SPOCK1: variants seen among roughly 807,000 people sequenced by gnomAD.
SPOCK1 encodes testican-1.
A neutral mutation model predicts 55.3 loss-of-function variants in SPOCK1; 23 were observed. The ratio of observed to expected loss-of-function variants is 0.42; its 90% CI spans 0.30 to 0.59. The LOEUF (loss-of-function observed/expected upper bound fraction) is 0.59, where lower values mean the gene tolerates loss of function less well. Among genes scored for constraint, SPOCK1 ranks in the 20% least tolerant of loss-of-function variants. SPOCK1 has a pLI of 0.22. For synonymous variants in SPOCK1, 226 were observed against 221.0 expected (o/e 1.02, Z -0.20); for missense variants, 499 against 552.5 (o/e 0.90, Z 0.97).
At chr5:137,103,567 T>C (rs1256740029) in intron 5 of SPOCK1, among the ~76,000 whole-genome samples, 2 of 152,230 alleles carry the variant, frequency 1.3e-5, no homozygotes, top group Non-Finnish European at 2.9e-5. Flanking sequence ...ATCCTGGTCA[T>C]TGCCAGTCTG....
intron 3 of SPOCK1, among the ~76,000 whole-genome samples, chr5:137,160,525 TATATAAAA>T (rs2127050509): frequency 2.7e-5 from 2 of 74,688 alleles, no homozygotes; most frequent in Admixed American, 2.2e-4. Context: ...ATATATATAA[TATATAAAA>T]ATATATAATA....
chr5:137,473,502 G>A (rs1194765296), intron 2 of SPOCK1, among the ~76,000 whole-genome samples: 1 of 152,138 alleles, frequency 6.6e-6, no homozygotes, highest in African/African-American at 2.4e-5. Context: ...GGATAAACAG[G>A]GTGGGAAGGA....
intron 2 of SPOCK1, among the ~76,000 whole-genome samples, chr5:137,395,962 G>A (rs934629882): frequency 6.6e-6 from 1 of 152,196 alleles, no homozygotes; most frequent in African/African-American, 2.4e-5. Flanking sequence ...GCCTACTAAT[G>A]GCACCCATTC....
chr5:137,462,780 G>C (rs749177997), intron 2 of SPOCK1, among the ~76,000 whole-genome samples: 1 of 152,168 alleles, frequency 6.6e-6, no homozygotes, highest in Non-Finnish European at 1.5e-5. Context: ...GAAAGGGATG[G>C]GGAGAAACAT....
At chr5:137,058,967 G>C (rs1752346743) in intron 6 of SPOCK1, among the ~76,000 whole-genome samples, 1 of 152,190 alleles carries the variant, frequency 6.6e-6, no homozygotes, top group Non-Finnish European at 1.5e-5. Context: ...GTCACTGAAA[G>C]GACTTTAACT....
intron 3 of SPOCK1, among the ~76,000 whole-genome samples, chr5:137,176,181 A>G (rs1194635181): frequency 2.0e-5 from 3 of 152,186 alleles, no homozygotes; most frequent in African/African-American, 7.2e-5. Context: ...CACTGAGCAA[A>G]TCCCACAGTG....
intron 2 of SPOCK1, among the ~76,000 whole-genome samples, chr5:137,375,578 A>G (rs1751294656): frequency 6.6e-6 from 1 of 152,264 alleles, no homozygotes. Flanking sequence ...CTGTACGTGT[A>G]TTATACCTCA....
Position 137,304,065 on chromosome 5 carries a change from GTT to G in SPOCK1, c.187-37012_187-37011del, listed in dbSNP as rs59137765. 3.6e-4 allele frequency among the ~76,000 whole-genome samples: 25 copies of G among 68,776 alleles called. No homozygotes were observed. In the East Asian group the frequency reaches 4.6e-3, roughly 13 times the overall value. The allele number at this position is 68,776 out of a possible 152,430, so 45.1% of individuals were successfully genotyped here. ...TGACTTTTTCCCCAAAATGCAATGG[GTT>G]TTTTTTTTTTTTTTTGGTTCTGTTA... is the stretch of plus-strand genomic sequence containing the variant. On this transcript the variant is annotated intron_variant, in intron 2 of 10. Coordinates refer to ENST00000394945, the MANE Select transcript of SPOCK1 (RefSeq NM_004598.4).
chr5:137,135,656 A>G (rs1753970685), intron 4 of SPOCK1, among the ~76,000 whole-genome samples: 1 of 152,226 alleles, frequency 6.6e-6, no homozygotes, highest in Non-Finnish European at 1.5e-5. Context: ...CACTACTCTG[A>G]GGACAAATAA....
intron 2 of SPOCK1, among the ~76,000 whole-genome samples, chr5:137,449,886 C>CAAAAAAAAAAA (rs562723108): frequency 9.5e-5 from 5 of 52,908 alleles, no homozygotes; most frequent in African/African-American, 2.4e-4. Context: ...GATGCTGTCT[C>CAAAAAAAAAAA]AAAAAAAAAA....
chr5:137,483,848 A>G (rs1753997653), intron 2 of SPOCK1, among the ~76,000 whole-genome samples: 1 of 152,192 alleles, frequency 6.6e-6, no homozygotes, highest in South Asian at 2.1e-4. Flanking sequence ...ACTCCCAAAG[A>G]GCTGACACAG....
chr5:137,313,149 C>T (rs935920321), intron 2 of SPOCK1, among the ~76,000 whole-genome samples: 7 of 152,254 alleles, frequency 4.6e-5, no homozygotes, highest in Admixed American at 2.6e-4. Flanking sequence ...CATCCATTCC[C>T]AAAAGTGCCT....
chr5:137,102,475 A>T (rs910799316), intron 5 of SPOCK1, among the ~76,000 whole-genome samples: 20 of 152,188 alleles, frequency 1.3e-4, no homozygotes, highest in African/African-American at 4.3e-4. Context: ...TGGTGGCAAC[A>T]CTGAAGGTTT....
chr5:137,392,886 A>G (rs576264007), intron 2 of SPOCK1, among the ~76,000 whole-genome samples: 4 of 151,958 alleles, frequency 2.6e-5, no homozygotes, highest in African/African-American at 4.8e-5. Context: ...TCATTTTTAC[A>G]TTTACTTTTT....
chr5:137,217,530 C>T (rs1421785400), intron 3 of SPOCK1, among the ~76,000 whole-genome samples: 1 of 152,216 alleles, frequency 6.6e-6, no homozygotes, highest in Non-Finnish European at 1.5e-5. Flanking sequence ...GGGATTTCCT[C>T]TTCAGGGATG....
In SPOCK1 at chr5:136,985,091, T is replaced by C. The variant is rs780118972; in HGVS notation, c.991+49A>G. 4 of 1,549,692 alleles carry C rather than the reference T, an allele frequency of 2.6e-6. No individual in the cohort carries two copies. The South Asian group carries it at 4.5e-5, about 17-fold the overall frequency. On this transcript the variant is annotated intron_variant, in intron 9 of 10. Coordinates refer to ENST00000394945, the MANE Select transcript of SPOCK1 (RefSeq NM_004598.4). ...GCCATGCTGATCATTACAAGGGACA[T>C]GGCTGGCTTAATTAGTTGTTTAAAT... is the stretch of plus-strand genomic sequence containing the variant.
chr5:137,405,772 T>C (rs1189392550), intron 2 of SPOCK1, among the ~76,000 whole-genome samples: 1 of 151,986 alleles, frequency 6.6e-6, no homozygotes, highest in Non-Finnish European at 1.5e-5. Context: ...TTTAAGAGGA[T>C]ATTCCTTGTG....
chr5:137,307,696 C>T (rs1757721811), intron 2 of SPOCK1, among the ~76,000 whole-genome samples: 1 of 152,190 alleles, frequency 6.6e-6, no homozygotes, highest in Admixed American at 6.5e-5. Context: ...TTAGAGAGCA[C>T]ATCATAAAAA....
chr5:137,366,800 GA>G (rs1198711553), intron 2 of SPOCK1, among the ~76,000 whole-genome samples: 3 of 152,230 alleles, frequency 2.0e-5, no homozygotes, highest in African/African-American at 7.2e-5. Context: ...GAACCAGAGG[GA>G]AAAGCATGTG....
Sources: gnomAD v4.1 joint callset for allele counts (sites outside exome capture counted in the v4.1 genomes callset) on GRCh38, gnomAD v4.1.1 for gene constraint, MANE v1.5 for transcripts, NCBI Gene and HGNC (gene_info 2026-07-23, HGNC 2026-07-21) for gene names.